RABGAP1: variants seen among roughly 807,000 people sequenced by gnomAD.
The protein encoded by RABGAP1 is RAB GTPase activating protein 1, also known as rab GTPase-activating protein 1.
Under a neutral mutation model 137.6 loss-of-function variants are expected in RABGAP1, and 23 were observed. The ratio of observed to expected loss-of-function variants is 0.17; its 90% confidence interval spans 0.12 to 0.24. RABGAP1 has a LOEUF of 0.24. Among genes scored for constraint, RABGAP1 ranks in the 10% least tolerant of loss-of-function variants. The pLI is 1.00. For missense variants in RABGAP1, 906 were observed against 1,275.8 expected (o/e 0.71, Z 4.42); for synonymous variants, 451 against 450.7 (o/e 1.00, Z -0.01).
intron 10 of RABGAP1, among the ~76,000 whole-genome samples, chr9:123,001,946 C>T (rs1333604737): frequency 2.6e-5 from 4 of 152,028 alleles, no homozygotes; most frequent in African/African-American, 9.7e-5. Flanking sequence ...GGGTGAGCCC[C>T]GGGAGAAGAA....
At chr9:122,959,688 T>C (rs190377420) in intron 2 of RABGAP1, among the ~76,000 whole-genome samples, 83 of 152,322 alleles carry the variant, frequency 5.4e-4, no homozygotes, top group Admixed American at 5.0e-3. Context: ...CTCTTCTCCA[T>C]ATTGGTGCAG....
At chr9:122,934,420 A>G in the RABGAP1 span, among the ~76,000 whole-genome samples, 1 of 152,116 alleles carries the variant, frequency 6.6e-6, no homozygotes, top group South Asian at 2.1e-4. Flanking sequence ...TTGGATGTCA[A>G]GTGATTCTCT....
chr9:122,965,807 A>G (rs935309429), intron 2 of RABGAP1, among the ~76,000 whole-genome samples: 1 of 152,260 alleles, frequency 6.6e-6, no homozygotes, highest in African/African-American at 2.4e-5. Flanking sequence ...TTTATGAGTT[A>G]TATCTCAATA....
intron 4 of RABGAP1, among the ~76,000 whole-genome samples, chr9:122,986,710 A>G (rs967014109): frequency 1.3e-5 from 2 of 152,210 alleles, no homozygotes; most frequent in Non-Finnish European, 2.9e-5. Flanking sequence ...TATATTTTCC[A>G]TGTTCCTTTG....
chr9:123,088,556 C>G (rs1329151314), intron 19 of RABGAP1, among the ~76,000 whole-genome samples: 1 of 152,074 alleles, frequency 6.6e-6, no homozygotes, highest in Non-Finnish European at 1.5e-5. Flanking sequence ...GGTGTGGTGT[C>G]GTGTGCCTGT....
At chr9:122,988,191 A>G (rs897725975) in intron 4 of RABGAP1, among the ~76,000 whole-genome samples, 2 of 152,224 alleles carry the variant, frequency 1.3e-5, no homozygotes, top group African/African-American at 4.8e-5. Context: ...AGAAGTTAGA[A>G]AGCTAGTCGG....
At chr9:122,936,369 A>G (rs1390317026), upstream of RABGAP1, among the ~76,000 whole-genome samples, 1 of 152,086 alleles carries the variant, frequency 6.6e-6, no homozygotes, top group African/African-American at 2.4e-5. Context: ...AAAGGAATCC[A>G]CCTCTCCACC....
rs914147338 is a variant in RABGAP1, at chr9:122,941,110, C to T, written c.-50+17C>T. On this transcript the variant is annotated intron_variant, in intron 1 of 25. Coordinates refer to ENST00000373647, the MANE Select transcript of RABGAP1 (RefSeq NM_012197.4). ...GCAGGTCGGGTAGGGCCGTGTTTCCCCTCCTCCTCCTCCCACCCTCCTACC... is the reference window on the plus strand; with the variant it reads ...GCAGGTCGGGTAGGGCCGTGTTTCCTCTCCTCCTCCTCCCACCCTCCTACC... 1 of 152,238 alleles carries T rather than the reference C, an allele frequency of 6.6e-6. No homozygotes were observed. Among genetic ancestry groups the T allele is most frequent in the African/African-American group, 2.4e-5 (1 of 41,434 alleles). The allele number at this position is 152,238 out of a possible 1,614,324, so 9.4% of individuals were successfully genotyped here.
chr9:123,103,361 A>G lies in RABGAP1; in HGVS notation c.*148A>G. 1.6e-6 allele frequency: 2 copies of G among 1,265,338 alleles called. No individual in the cohort carries two copies. Among genetic ancestry groups the G allele is most frequent in the Non-Finnish European group, 2.2e-6 (2 of 929,302 alleles). The allele number at this position is 1,265,338 out of a possible 1,614,324, so 78.4% of individuals were successfully genotyped here. ...GCATGTTGGTAGGTCACTGGACCAG[A>G]GCTTGTGAAGCAGGCAACCTCTGGG... is the stretch of plus-strand genomic sequence containing the variant. On this transcript the variant is annotated 3_prime_UTR_variant, in exon 26 of 26. Transcript: ENST00000373647.
At chr9:123,090,987 A>G (rs2035016378) in intron 21 of RABGAP1, among the ~76,000 whole-genome samples, 1 of 152,250 alleles carries the variant, frequency 6.6e-6, no homozygotes, top group Non-Finnish European at 1.5e-5. Flanking sequence ...AGAAGTTGGC[A>G]AACATTTTCT....
At chr9:123,020,617 C>T (rs112064427) in intron 13 of RABGAP1, among the ~76,000 whole-genome samples, 158 bp downstream of exon 13, 5 of 152,076 alleles carry the variant, frequency 3.3e-5, no homozygotes, top group African/African-American at 9.7e-5. Context: ...TTCTGTTGCA[C>T]GAAGAAGTCA....
At chr9:123,016,704 C>G (rs1055420111) in intron 12 of RABGAP1, among the ~76,000 whole-genome samples, 4 of 152,132 alleles carry the variant, frequency 2.6e-5, no homozygotes, top group African/African-American at 9.7e-5. Context: ...TTCTGACATT[C>G]TGGTTACTAG....
Position 122,990,230 on chromosome 9 carries a change from T to C in RABGAP1, c.923+17T>C. The C allele has an allele frequency of 6.4e-7, 1 of 1,570,348 alleles. No individual in the cohort carries two copies. Among genetic ancestry groups the C allele is most frequent in the Non-Finnish European group, 8.7e-7 (1 of 1,144,624 alleles). On this transcript the variant is annotated intron_variant, in intron 6 of 25. Transcript: ENST00000373647. ...TTATTTTAGGTAGGGAATCTTATTTTATTCATGTATTAACATGCTGTGGTT... is the reference window on the plus strand; with the variant it reads ...TTATTTTAGGTAGGGAATCTTATTTCATTCATGTATTAACATGCTGTGGTT...
At chr9:122,994,155 T>C (rs547687897) in intron 6 of RABGAP1, among the ~76,000 whole-genome samples, 2 of 152,312 alleles carry the variant, frequency 1.3e-5, no homozygotes, top group African/African-American at 2.4e-5. Flanking sequence ...ATTCCCTACT[T>C]GGATACATTC....
chr9:123,025,757 G>C (rs559289567), intron 13 of RABGAP1, among the ~76,000 whole-genome samples: 25 of 151,678 alleles, frequency 1.6e-4, no homozygotes, highest in African/African-American at 5.6e-4. Context: ...TTAATATTTT[G>C]ATTAATTGTC....
At chr9:122,969,198 G>C (rs1349197196) in intron 2 of RABGAP1, among the ~76,000 whole-genome samples, 1 of 90,698 alleles carries the variant, frequency 1.1e-5, no homozygotes, top group African/African-American at 2.5e-5. Context: ...ACAGTATTCA[G>C]TATAGTAACA....
intron 13 of RABGAP1, among the ~76,000 whole-genome samples, chr9:123,057,746 A>G (rs803735): frequency 2.0e-5 from 3 of 151,984 alleles, no homozygotes; most frequent in Admixed American, 2.0e-4. Flanking sequence ...ACGCCACTGC[A>G]CTCCAGCCTG....
In RABGAP1 at chr9:123,098,884, C is replaced by A. The variant is rs1208320472; in HGVS notation, c.2817+86C>A. 1.3e-5 allele frequency: 9 copies of A among 683,492 alleles called. No individual in the cohort carries two copies. The East Asian group carries it at 3.0e-4, about 23-fold the overall frequency. 42.3% of individuals were successfully genotyped at this position (683,492 alleles called of 1,614,324 possible). On this transcript the variant is annotated intron_variant, in intron 23 of 25. Coordinates refer to ENST00000373647, the MANE Select transcript of RABGAP1 (RefSeq NM_012197.4). ...TGTATACCCGCCCCCCACCCCCAAA[C>A]CCAAATGCAAGCACCCTGGTTTCAG...
intron 13 of RABGAP1, among the ~76,000 whole-genome samples, chr9:123,058,784 A>G (rs1281631072): frequency 6.6e-6 from 1 of 152,216 alleles, no homozygotes; most frequent in Non-Finnish European, 1.5e-5. Flanking sequence ...ATATAAACAC[A>G]AGGAAGAGTG....
Sources: allele counts gnomAD v4.1 joint callset (sites outside exome capture counted in the v4.1 genomes callset), GRCh38; gene constraint gnomAD v4.1.1; transcripts MANE v1.5; gene names NCBI Gene and HGNC (gene_info 2026-07-23, HGNC 2026-07-21).